Variants in RNF10 observed in about 807,000 individuals in gnomAD.
The protein encoded by RNF10 is ring finger protein 10, also known as E3 ubiquitin-protein ligase RNF10.
RNF10 carries 38 observed loss-of-function variants against 91.4 expected under a neutral mutation model. The ratio of observed to expected loss-of-function variants is 0.42; its 90% confidence interval spans 0.32 to 0.54. The LOEUF (loss-of-function observed/expected upper bound fraction) is 0.54. Ranked by LOEUF, RNF10 falls within the 20% of genes least tolerant of loss-of-function variation. The probability of loss-of-function intolerance (pLI) is 0.16; values close to 1 mark genes in which losing one functional copy is unlikely to be tolerated. For missense variants in RNF10, 945 were observed against 1,012.0 expected, an observed-to-expected ratio of 0.93 and a Z score of 0.90; for synonymous variants, 364 against 366.3, an observed-to-expected ratio of 0.99 and a Z score of 0.07.
intron 1 of RNF10, among the ~76,000 whole-genome samples, chr12:120,540,418 T>TA (rs1255203570): frequency 2.6e-5 from 4 of 152,210 alleles, no homozygotes; most frequent in African/African-American, 9.7e-5. Context: ...AGGAACTTGA[T>TA]ATTTTTTGTT....
chr12:120,537,451 G>A (rs1434928651), intron 1 of RNF10, among the ~76,000 whole-genome samples: 2 of 151,810 alleles, frequency 1.3e-5, no homozygotes, highest in African/African-American at 2.4e-5. Flanking sequence ...ACATGGTGAA[G>A]CCCCGTCTCT....
chr12:120,535,000 C>T (rs1593035925), intron 1 of RNF10, 32 bp downstream of exon 1: 2 of 1,560,228 alleles, frequency 1.3e-6, no homozygotes, highest in Non-Finnish European at 8.6e-7. Context: ...TGGGCGGGGG[C>T]GACTGCCCCT....
intron 1 of RNF10, among the ~76,000 whole-genome samples, chr12:120,536,494 A>G (rs1167238850): frequency 6.6e-6 from 1 of 152,194 alleles, no homozygotes; most frequent in African/African-American, 2.4e-5. Context: ...AAGGTCTGCT[A>G]ACTCGCTCAG....
chr12:120,556,787 A>C (rs569077331), intron 4 of RNF10, among the ~76,000 whole-genome samples: 1 of 152,058 alleles, frequency 6.6e-6, no homozygotes, highest in Admixed American at 6.6e-5. Flanking sequence ...TAGAACCCCC[A>C]ACATACCTGT....
chr12:120,563,292 T>C (rs1292304490), intron 8 of RNF10, 55 bp from the exon 9 acceptor site: 3 of 1,561,110 alleles, frequency 1.9e-6, no homozygotes, highest in Non-Finnish European at 2.6e-6. Context: ...TTTGCCACAT[T>C]GCTTTCGGAA....
Position 120,534,902 on chromosome 12 carries a change from A to G in RNF10, c.91A>G (p.Ser31Gly). The change falls in exon 1 of 17, where the codon AGC becomes GGC. Residue 31 changes from serine (S) to glycine (G), a missense_variant. By Grantham distance (56) the Ser-to-Gly change is moderately conservative (BLOSUM62 0). Transcript: ENST00000325954. ...CAGCTCCTCCGCCTCTTCGGGCAGC[A>G]GCAAAGGGCAACAGCCGCCCCGCTC... ...SNSSSASSGS[S>G]KGQQPPRSAS... 1 of 1,607,926 alleles carries G rather than the reference A, an allele frequency of 6.2e-7. No individual in the cohort carries two copies. The highest frequency in any genetic ancestry group is 8.5e-7 in the Non-Finnish European group (1 of 1,179,592).
chr12:120,569,825 A>G (rs1876350419), intron 13 of RNF10, among the ~76,000 whole-genome samples: 1 of 152,056 alleles, frequency 6.6e-6, no homozygotes. Context: ...GGCCTGAGCC[A>G]CTGTGCCCAG....
intron 14 of RNF10, among the ~76,000 whole-genome samples, chr12:120,571,701 T>A (rs1047931710): frequency 2.6e-5 from 4 of 152,196 alleles, no homozygotes; most frequent in Non-Finnish European, 4.4e-5. Flanking sequence ...GTGTACTGGA[T>A]ACTATTGTAG....
chr12:120,548,975 A>T (rs1872680905), intron 2 of RNF10, among the ~76,000 whole-genome samples: 1 of 151,986 alleles, frequency 6.6e-6, no homozygotes, highest in Non-Finnish European at 1.5e-5. Context: ...CGGCTGAGGG[A>T]TTTTAAGATT....
At chr12:120,547,783 C>T (rs377595155) in intron 2 of RNF10, among the ~76,000 whole-genome samples, 1 of 152,248 alleles carries the variant, frequency 6.6e-6, no homozygotes, top group African/African-American at 2.4e-5. Flanking sequence ...AGGACTTTGG[C>T]TTTTGTTCAG....
chr12:120,565,311 T>TC (rs1202252104), intron 11 of RNF10, 117 bp from the exon 12 acceptor site: 5 of 1,138,956 alleles, frequency 4.4e-6, no homozygotes, highest in Admixed American at 1.8e-5. Context: ...CCTAAACACT[T>TC]CATCTGTTCA....
intron 2 of RNF10, among the ~76,000 whole-genome samples, chr12:120,548,173 T>C (rs1281799325): frequency 1.3e-5 from 2 of 152,232 alleles, no homozygotes; most frequent in African/African-American, 4.8e-5. Flanking sequence ...ATGTTATATG[T>C]ACATTGAAAT....
intron 1 of RNF10, among the ~76,000 whole-genome samples, chr12:120,540,159 C>T (rs1482527584): frequency 1.3e-4 from 19 of 149,990 alleles, no homozygotes; most frequent in African/African-American, 3.0e-4. Context: ...ATGGGGGTCT[C>T]ACCATGTTGC....
intron 11 of RNF10, 106 bp downstream of exon 11, chr12:120,565,295 G>A (rs1250410446): frequency 8.8e-7 from 1 of 1,130,800 alleles, no homozygotes; most frequent in Non-Finnish European, 1.3e-6. Context: ...ATGAGTCTTA[G>A]TACCTCCTAA....
intron 6 of RNF10, among the ~76,000 whole-genome samples, 181 bp from the exon 7 acceptor site, chr12:120,560,545 A>T (rs758940510): frequency 6.6e-6 from 1 of 152,200 alleles, no homozygotes; most frequent in Admixed American, 6.5e-5. Flanking sequence ...TAGATTTCTT[A>T]TATCAAGAGC....
rs1359507646 is a variant in RNF10, at chr12:120,575,635, T to G, written c.2147T>G (p.Leu716Arg). The G allele has an allele frequency of 2.5e-6, 4 of 1,614,060 alleles. No individual in the cohort carries two copies. Among genetic ancestry groups the G allele is most frequent in the Non-Finnish European group, 3.4e-6 (4 of 1,180,042 alleles). ...ACTTCTTTCCCACTTTGGCAGATGC[T>G]GAGGGTTGGAAAAGCAAAAGCAGAT... ...DSPFPSFAQM[L>R]RVGKAKADVW... Residue 716 changes from leucine to arginine, a missense_variant, in exon 15 of 17, where the codon CTG (leucine) becomes CGG (arginine). Leu to Arg is a moderately radical substitution (Grantham distance 102). Coordinates refer to ENST00000325954, the MANE Select transcript of RNF10 (RefSeq NM_014868.5).
At chr12:120,573,451 T>G (rs1448275577) in intron 14 of RNF10, among the ~76,000 whole-genome samples, 8 of 152,178 alleles carry the variant, frequency 5.3e-5, no homozygotes, top group Admixed American at 5.2e-4. Flanking sequence ...ATTTAAACAT[T>G]TTGGTAAGAA....
chr12:120,558,430 A>T (rs1291443100), intron 6 of RNF10, among the ~76,000 whole-genome samples: 13 of 151,640 alleles, frequency 8.6e-5, no homozygotes, highest in Non-Finnish European at 1.6e-4. Flanking sequence ...TTAGCAACTT[A>T]AAACATTAAA....
At chr12:120,535,215 A>C (rs1870570332) in intron 1 of RNF10, among the ~76,000 whole-genome samples, 1 of 152,236 alleles carries the variant, frequency 6.6e-6, no homozygotes. Context: ...GCCATTTTGC[A>C]TATGATGAGA....
Sources: allele counts gnomAD v4.1 joint callset (sites outside exome capture counted in the v4.1 genomes callset), GRCh38; gene constraint gnomAD v4.1.1; transcripts MANE v1.5; gene names NCBI Gene and HGNC (gene_info 2026-07-23, HGNC 2026-07-21).